ACSS3: variants seen among roughly 807,000 people sequenced by gnomAD.
ACSS3 encodes the protein acyl-CoA synthetase short chain family member 3, also known as acyl-CoA synthetase short-chain family member 3, mitochondrial.
A neutral mutation model predicts 84.2 loss-of-function variants in ACSS3; 64 were observed. The observed-to-expected ratio is 0.76, with a 90% confidence interval of 0.62 to 0.94. ACSS3 has a LOEUF of 0.94. Among genes scored for constraint, ACSS3 ranks in the 40% least tolerant of loss-of-function variants. ACSS3 has a pLI of 0.00. For missense variants in ACSS3, 815 were observed against 867.6 expected, an observed-to-expected ratio of 0.94 and a Z score of 0.76; for synonymous variants, 317 against 310.1, an observed-to-expected ratio of 1.02 and a Z score of -0.23.
chr12:81,253,502 T>C lies in ACSS3; in HGVS notation c.1827T>C (p.Asn609=). 6.2e-7 allele frequency: 1 copy of C among 1,613,718 alleles called. No homozygotes were observed. Among genetic ancestry groups the C allele is most frequent in the Admixed American group, 1.7e-5 (1 of 59,964 alleles). The change falls in exon 15 of 16, where the codon AAT becomes AAC. Residue 609 remains asparagine, a synonymous_variant. Transcript: ENST00000548058. ...LALCVLRKDI[N]ATEEQVLEEI... Reference sequence around the variant, plus strand: ...TCTGAACTTTCTCTCTAGATATAAATGCAACAGAGGAGCAAGTTTTGGAAG... The same window carrying C: ...TCTGAACTTTCTCTCTAGATATAAACGCAACAGAGGAGCAAGTTTTGGAAG...
At chr12:81,228,510 A>G (rs1565732622) in intron 11 of ACSS3, among the ~76,000 whole-genome samples, 1 of 151,826 alleles carries the variant, frequency 6.6e-6, no homozygotes, top group Non-Finnish European at 1.5e-5. Flanking sequence ...GTAGGCATCA[A>G]TTAATTATAA....
At chr12:81,183,714 A>T (rs2031083454) in intron 8 of ACSS3, among the ~76,000 whole-genome samples, 1 of 152,076 alleles carries the variant, frequency 6.6e-6, no homozygotes, top group African/African-American at 2.4e-5. Flanking sequence ...GTCATTTTTT[A>T]ATAATAAAAG....
intron 8 of ACSS3, among the ~76,000 whole-genome samples, chr12:81,179,185 A>G (rs2030720892): frequency 6.6e-6 from 1 of 151,732 alleles, no homozygotes; most frequent in Admixed American, 6.6e-5. Flanking sequence ...TAAAACTATA[A>G]AAATCCTAGA....
intron 3 of ACSS3, among the ~76,000 whole-genome samples, chr12:81,138,714 T>G (rs1885933565): frequency 6.6e-6 from 1 of 152,164 alleles, no homozygotes; most frequent in Non-Finnish European, 1.5e-5. Context: ...TGTAATCTCT[T>G]TAGGCATTTA....
intron 13 of ACSS3, among the ~76,000 whole-genome samples, chr12:81,242,278 G>A (rs150030117): frequency 0.012 from 1,869 of 152,142 alleles, 32 homozygotes; most frequent in African/African-American, 0.042. Context: ...TAAATTCCTC[G>A]ACACATACAC....
intron 9 of ACSS3, among the ~76,000 whole-genome samples, chr12:81,206,833 G>C (rs1177711597): frequency 3.3e-5 from 5 of 152,162 alleles, no homozygotes; most frequent in Non-Finnish European, 7.4e-5. Flanking sequence ...CTTTCTGAAA[G>C]TGAATAACTG....
At chr12:81,107,847 G>T (rs1883207928) in intron 1 of ACSS3, among the ~76,000 whole-genome samples, 1 of 151,898 alleles carries the variant, frequency 6.6e-6, no homozygotes, top group Non-Finnish European at 1.5e-5. Flanking sequence ...CCCACCTGCA[G>T]GTGTTCATTC....
intron 5 of ACSS3, 60 bp downstream of exon 5, chr12:81,143,307 T>C: frequency 7.2e-7 from 1 of 1,392,300 alleles, no homozygotes; most frequent in Non-Finnish European, 9.6e-7. Flanking sequence ...ACCAAGAATG[T>C]TTGATCACTG....
chr12:81,179,306 A>G (rs201944479), intron 8 of ACSS3, among the ~76,000 whole-genome samples: 1 of 52,720 alleles, frequency 1.9e-5, no homozygotes, highest in South Asian at 6.6e-4. Context: ...GAAAAAAAAA[A>G]CACAAAAAAA....
chr12:81,078,394 A>C lies in ACSS3; in HGVS notation c.274A>C (p.Lys92Gln). ...GATCAGCTGGTACAAGCCCTGGACC[A>C]AAACGCTGGAGAACAAACACTCGCC... is the stretch of plus-strand genomic sequence containing the variant. ...EQISWYKPWT[K>Q]TLENKHSPST... Residue 92 changes from lysine to glutamine, a missense_variant, in exon 1 of 16, where the codon AAA (lysine) becomes CAA (glutamine). Coordinates refer to ENST00000548058, the MANE Select transcript of ACSS3 (RefSeq NM_024560.4). 1.2e-6 allele frequency: 2 copies of C among 1,612,568 alleles called. No individual in the cohort carries two copies. The highest frequency in any genetic ancestry group is 2.2e-5 in the South Asian group (2 of 91,056).
rs188038353 is a variant in ACSS3 at position 81,260,329 on chromosome 12, A to C, written c.*5407A>C. The C allele has an allele frequency of 6.6e-6, 1 of 152,304 alleles. No homozygotes were observed. Among genetic ancestry groups the C allele is most frequent in the East Asian group, 1.9e-4 (1 of 5,184 alleles). The allele number at this position is 152,304 out of a possible 1,614,324, so 9.4% of individuals were successfully genotyped here. A position where few individuals can be genotyped will look rare whatever the true frequency, so the allele number is the denominator to read the frequency against. On this transcript the variant is annotated 3_prime_UTR_variant, in exon 16 of 16. Coordinates refer to ENST00000548058, the MANE Select transcript of ACSS3 (RefSeq NM_024560.4). ...GTAAAAACTAGGAAATATGAACTAG[A>C]ATGTCATGCACAAAAAACAGATTGC...
At chr12:81,126,384 A>C (rs1427154697) in intron 2 of ACSS3, among the ~76,000 whole-genome samples, 1 of 152,194 alleles carries the variant, frequency 6.6e-6, no homozygotes, top group Non-Finnish European at 1.5e-5. Flanking sequence ...CATGCACCCT[A>C]GTCCTGTTGT....
intron 1 of ACSS3, among the ~76,000 whole-genome samples, chr12:81,108,759 C>T (rs1001080421): frequency 6.6e-6 from 1 of 152,130 alleles, no homozygotes; most frequent in Non-Finnish European, 1.5e-5. Flanking sequence ...ATTTGGTAGT[C>T]TGACATTGGA....
At chr12:81,105,150 G>A (rs1421720259) in intron 1 of ACSS3, among the ~76,000 whole-genome samples, 1 of 152,190 alleles carries the variant, frequency 6.6e-6, no homozygotes, top group Non-Finnish European at 1.5e-5. Context: ...CCAGCACTGA[G>A]ATGACACAGA....
At chr12:81,141,526 A>G (rs11612380) in intron 4 of ACSS3, among the ~76,000 whole-genome samples, 51,853 of 152,148 alleles carry the variant, frequency 0.34, 11,163 homozygotes, top group Non-Finnish European at 0.48. Context: ...AGACATATCT[A>G]TAGAAGTAAA....
At chr12:81,182,746 T>C (rs942534148) in intron 8 of ACSS3, among the ~76,000 whole-genome samples, 3 of 152,142 alleles carry the variant, frequency 2.0e-5, no homozygotes, top group African/African-American at 7.2e-5. Flanking sequence ...TTTCTTTCTT[T>C]CCTCTTCTCT....
intron 7 of ACSS3, among the ~76,000 whole-genome samples, chr12:81,156,945 T>C (rs972358205): frequency 3.9e-4 from 59 of 152,310 alleles, no homozygotes; most frequent in African/African-American, 1.3e-3. Flanking sequence ...TCAATACCAT[T>C]TCTTCACAGT....
chr12:81,079,892 C>T (rs992457784), intron 1 of ACSS3, among the ~76,000 whole-genome samples: 9 of 152,278 alleles, frequency 5.9e-5, no homozygotes, highest in Admixed American at 1.3e-4. Flanking sequence ...TGTCTTTATA[C>T]ACTAGACCCT....
chr12:81,173,364 A>G (rs1265781358), intron 7 of ACSS3, among the ~76,000 whole-genome samples: 1 of 152,222 alleles, frequency 6.6e-6, no homozygotes, highest in Non-Finnish European at 1.5e-5. Context: ...TTGTGATAAT[A>G]AAAATGAATT....
Sources: gnomAD v4.1 joint callset for allele counts (sites outside exome capture counted in the v4.1 genomes callset) on GRCh38, gnomAD v4.1.1 for gene constraint, MANE v1.5 for transcripts, NCBI Gene and HGNC (gene_info 2026-07-23, HGNC 2026-07-21) for gene names.